The following TOGARAM2 variants were observed in gnomAD, a reference collection of about 807,000 sequenced individuals.
TOGARAM2 encodes the protein TOG array regulator of axonemal microtubules protein 2.
In TOGARAM2, 85 loss-of-function variants were observed where a neutral mutation model predicts 93.3. The observed-to-expected ratio is 0.91, with a 90% confidence interval of 0.76 to 1.09. TOGARAM2 has a LOEUF of 1.09. Ranked by LOEUF, TOGARAM2 falls within the 50% of genes least tolerant of loss-of-function variation. The pLI, the probability that TOGARAM2 is intolerant of heterozygous loss-of-function variation, is 0.00. For missense variants in TOGARAM2, 1,277 were observed against 1,334.5 expected, an observed-to-expected ratio of 0.96 and a Z score of 0.67; for synonymous variants, 593 against 552.8, an observed-to-expected ratio of 1.07 and a Z score of -1.02.
In TOGARAM2 at chr2:29,003,275, T is replaced by C. The variant is rs551509788; in HGVS notation, c.640-217T>C. Reference sequence around the variant, plus strand: ...TCCAGCTCTGATGTTCTAGGATTTTTCTGAAATGAGAACAGAAAAACGAAT... The same window carrying C: ...TCCAGCTCTGATGTTCTAGGATTTTCCTGAAATGAGAACAGAAAAACGAAT... On this transcript the variant is annotated intron_variant, in intron 5 of 19. Coordinates refer to ENST00000379558, the MANE Select transcript of TOGARAM2 (RefSeq NM_199280.4). Among the ~76,000 whole-genome samples, 16 of 152,298 alleles carry C rather than the reference T, an allele frequency of 1.1e-4. No homozygotes were observed. The South Asian group carries it at 3.3e-3, about 32-fold the overall frequency.
chr2:29,005,006 A>C lies in TOGARAM2; in HGVS notation c.830+1324A>C, dbSNP rs909979842. ...TATGTGTGTGAGTGCATGTGTGTGC[A>C]TGTGTATGTGTGAGTGCATGTATGT... On this transcript the variant is annotated intron_variant, in intron 6 of 19. Coordinates refer to ENST00000379558, the MANE Select transcript of TOGARAM2 (RefSeq NM_199280.4). Among the ~76,000 whole-genome samples, 33 of 34,894 alleles carry C rather than the reference A, an allele frequency of 9.5e-4. 6 individuals are homozygous for C. Among genetic ancestry groups the C allele is most frequent in the African/African-American group, 2.5e-3 (31 of 12,206 alleles). The allele number at this position is 34,894 out of a possible 152,430, so 22.9% of individuals were successfully genotyped here. A position where few individuals can be genotyped will look rare whatever the true frequency, so the allele number is the denominator to read the frequency against.
At chr2:28,996,156 C>T (rs1326344757) in intron 2 of TOGARAM2, among the ~76,000 whole-genome samples, 1 of 152,106 alleles carries the variant, frequency 6.6e-6, no homozygotes, top group Non-Finnish European at 1.5e-5. Flanking sequence ...TCTGGGTGTA[C>T]ATGTGATATT....
intron 17 of TOGARAM2, 47 bp downstream of exon 17, chr2:29,035,703 G>T: frequency 7.7e-7 from 1 of 1,307,002 alleles, no homozygotes; most frequent in Non-Finnish European, 9.9e-7. Flanking sequence ...TCCTCTGGGG[G>T]GTGCAACTTG....
At chr2:29,004,784 ATGTGTCTGAG>A (rs909079063) in intron 6 of TOGARAM2, among the ~76,000 whole-genome samples, 6 of 146,220 alleles carry the variant, frequency 4.1e-5, no homozygotes, top group Non-Finnish European at 7.5e-5. Context: ...GTGCAAGAGT[ATGTGTCTGAG>A]TGTGTCTGAG....
intron 12 of TOGARAM2, 98 bp downstream of exon 12, chr2:29,023,289 T>C (rs1027146440): frequency 3.7e-5 from 35 of 948,160 alleles, no homozygotes; most frequent in Non-Finnish European, 5.6e-5. Flanking sequence ...TTCAGGGACA[T>C]GGGGATCCCT....
chr2:29,027,969 A>C (rs1665514555), intron 14 of TOGARAM2, among the ~76,000 whole-genome samples: 1 of 152,118 alleles, frequency 6.6e-6, no homozygotes, highest in Non-Finnish European at 1.5e-5. Context: ...CAAGGTCAGG[A>C]GTTGGGATTT....
At chr2:29,038,769 A>G (rs559298590) in intron 18 of TOGARAM2, among the ~76,000 whole-genome samples, 1 of 152,118 alleles carries the variant, frequency 6.6e-6, no homozygotes, top group Non-Finnish European at 1.5e-5. Flanking sequence ...GGATCCAGGT[A>G]ATTTTTGAGC....
intron 19 of TOGARAM2, chr2:29,050,677 C>G (rs1339127681): frequency 6.6e-6 from 1 of 152,208 alleles, no homozygotes; most frequent in African/African-American, 2.4e-5. Flanking sequence ...ATCAATAAAG[C>G]GCTGCTGTTA....
chr2:29,011,579 G>C, intron 7 of TOGARAM2, 78 bp downstream of exon 7: 1 of 1,384,700 alleles, frequency 7.2e-7, no homozygotes, highest in Non-Finnish European at 9.8e-7. Flanking sequence ...AACAGAATTA[G>C]GGCCAGAGGA....
chr2:28,986,450 G>C (rs945796613), intron 1 of TOGARAM2, among the ~76,000 whole-genome samples: 1 of 152,188 alleles, frequency 6.6e-6, no homozygotes, highest in African/African-American at 2.4e-5. Flanking sequence ...GTTGGGAAGT[G>C]CTGCTTTGGG....
At chr2:29,003,135 G>C (rs1302203115) in intron 5 of TOGARAM2, among the ~76,000 whole-genome samples, 3 of 152,136 alleles carry the variant, frequency 2.0e-5, no homozygotes, top group Non-Finnish European at 2.9e-5. Context: ...TTGGGCCTTG[G>C]TTTCTGTTTG....
At chr2:28,985,189 G>C (rs746403869) in intron 1 of TOGARAM2, among the ~76,000 whole-genome samples, 12 of 152,216 alleles carry the variant, frequency 7.9e-5, no homozygotes, top group Middle Eastern at 6.8e-3. Flanking sequence ...AGACCAGAGA[G>C]CTTGCTCTCT....
intron 14 of TOGARAM2, among the ~76,000 whole-genome samples, chr2:29,030,575 A>G (rs1665707222): frequency 6.6e-6 from 1 of 152,038 alleles, no homozygotes; most frequent in Non-Finnish European, 1.5e-5. Flanking sequence ...CTCCATTCTG[A>G]CCCATCCCTT....
intron 14 of TOGARAM2, among the ~76,000 whole-genome samples, chr2:29,029,081 ATTCGATC>A (rs1172102243): frequency 3.3e-5 from 5 of 152,372 alleles, no homozygotes; most frequent in African/African-American, 1.2e-4. Context: ...TAGAACTACC[ATTCGATC>A]CTGCAATCCC....
At chr2:29,023,676 T>C (rs1048464400) in intron 12 of TOGARAM2, among the ~76,000 whole-genome samples, 11 of 152,088 alleles carry the variant, frequency 7.2e-5, no homozygotes, top group Non-Finnish European at 1.6e-4. Context: ...GAGGACGCTG[T>C]TTTGTTAACA....
chr2:29,026,798 G>A (rs1665402098), intron 13 of TOGARAM2, 55 bp from the exon 14 acceptor site: 7 of 1,451,558 alleles, frequency 4.8e-6, no homozygotes, highest in African/African-American at 1.4e-5. Flanking sequence ...TGCCAGCCTG[G>A]GGACTCCCAC....
chr2:29,011,400 A>G, intron 6 of TOGARAM2, 55 bp from the exon 7 acceptor site: 1 of 1,565,214 alleles, frequency 6.4e-7, no homozygotes, highest in Non-Finnish European at 8.8e-7. Context: ...CTCCCCCAGC[A>G]GTGTCTCTGG....
intron 1 of TOGARAM2, among the ~76,000 whole-genome samples, chr2:28,994,313 G>C (rs1052554783): frequency 2.6e-5 from 4 of 152,224 alleles, no homozygotes; most frequent in African/African-American, 9.7e-5. Context: ...GCCAACACCT[G>C]TGTGATCAGT....
intron 14 of TOGARAM2, 181 bp from the exon 15 acceptor site, chr2:29,032,753 A>C: frequency 1.9e-6 from 1 of 535,986 alleles, no homozygotes; most frequent in Non-Finnish European, 3.3e-6. Flanking sequence ...TTCTCTTGGT[A>C]ATGGGATTAT....
Sources: gnomAD v4.1 joint callset for allele counts (sites outside exome capture counted in the v4.1 genomes callset) on GRCh38, gnomAD v4.1.1 for gene constraint, MANE v1.5 for transcripts, NCBI Gene and HGNC (gene_info 2026-07-23, HGNC 2026-07-21) for gene names.